Variants in CNTNAP2 observed in about 807,000 individuals in gnomAD.
CNTNAP2 encodes the protein contactin associated protein 2.
Under a neutral mutation model 155.2 loss-of-function variants are expected in CNTNAP2, and 98 were observed. That is an observed-to-expected ratio of 0.63 (90% CI 0.54 to 0.75). CNTNAP2 has a LOEUF of 0.75. Ranked by LOEUF, CNTNAP2 falls within the 30% of genes least tolerant of loss-of-function variation. CNTNAP2 has a pLI of 0.00. For missense variants in CNTNAP2, 1,727 were observed against 1,688.1 expected, an observed-to-expected ratio of 1.02 and a Z score of -0.40; for synonymous variants, 651 against 631.2, an observed-to-expected ratio of 1.03 and a Z score of -0.47.
intron 4 of CNTNAP2, among the ~76,000 whole-genome samples, chr7:147,067,836 G>A (rs534907848): frequency 6.6e-6 from 1 of 152,326 alleles, no homozygotes; most frequent in South Asian, 2.1e-4. Context: ...TTCGCATTCG[G>A]TTGTTCTCTT....
intron 14 of CNTNAP2, among the ~76,000 whole-genome samples, chr7:147,925,755 C>G (rs996349769): frequency 5.3e-5 from 8 of 152,190 alleles, no homozygotes; most frequent in African/African-American, 7.2e-5. Context: ...GCCACCACGC[C>G]CGGCCATTCT....
chr7:147,031,353 T>C (rs1049285394), intron 3 of CNTNAP2, among the ~76,000 whole-genome samples: 3 of 152,204 alleles, frequency 2.0e-5, no homozygotes, highest in African/African-American at 4.8e-5. Flanking sequence ...AATTCAAATA[T>C]GCATCCATTA....
intron 8 of CNTNAP2, among the ~76,000 whole-genome samples, chr7:147,269,311 A>C (rs958270733): frequency 6.6e-6 from 1 of 152,166 alleles, no homozygotes; most frequent in South Asian, 2.1e-4. Context: ...TCTAATTGCA[A>C]AAAACAAAGA....
At chr7:148,049,280 T>C (rs1287719669) in intron 15 of CNTNAP2, among the ~76,000 whole-genome samples, 1 of 152,220 alleles carries the variant, frequency 6.6e-6, no homozygotes, top group Non-Finnish European at 1.5e-5. Context: ...ATTACATTTT[T>C]CACCTTTTGA....
At chr7:146,684,333 T>C (rs558089538) in intron 1 of CNTNAP2, among the ~76,000 whole-genome samples, 1 of 152,230 alleles carries the variant, frequency 6.6e-6, no homozygotes, top group African/African-American at 2.4e-5. Context: ...TAAGTGAGAA[T>C]AAAACAAAAA....
intron 10 of CNTNAP2, among the ~76,000 whole-genome samples, chr7:147,463,980 AG>A (rs1388776921): frequency 6.7e-6 from 1 of 150,292 alleles, no homozygotes; most frequent in East Asian, 2.0e-4. Context: ...AAAAAAAAAA[AG>A]AGCTAGAGCC....
chr7:147,321,224 T>C (rs1271917062), intron 9 of CNTNAP2, among the ~76,000 whole-genome samples: 2 of 152,116 alleles, frequency 1.3e-5, no homozygotes, highest in Non-Finnish European at 2.9e-5. Flanking sequence ...CTTGAGGTCC[T>C]GAAAAAGAAT....
At chr7:147,625,661 G>T (rs981156072) in intron 12 of CNTNAP2, among the ~76,000 whole-genome samples, 8 of 152,292 alleles carry the variant, frequency 5.3e-5, no homozygotes, top group African/African-American at 1.7e-4. Flanking sequence ...CTAATGTGCA[G>T]TTCTCACCTG....
intron 13 of CNTNAP2, among the ~76,000 whole-genome samples, chr7:147,830,861 A>G (rs1798534989): frequency 6.6e-6 from 1 of 152,248 alleles, no homozygotes; most frequent in Admixed American, 6.5e-5. Flanking sequence ...ATGAGTAAGC[A>G]TGGTGAAAAC....
chr7:147,269,481 A>G (rs1052558467), intron 8 of CNTNAP2, among the ~76,000 whole-genome samples: 1 of 152,202 alleles, frequency 6.6e-6, no homozygotes, highest in Non-Finnish European at 1.5e-5. Context: ...TAGAATCATC[A>G]TCACATAAAT....
rs1802075217 is a variant in CNTNAP2, at chr7:147,163,982, T to G, written c.1348+31473T>G. Among the ~76,000 whole-genome samples the G allele has an allele frequency of 2.0e-5, 3 of 152,172 alleles. No homozygotes were observed. In the South Asian group the frequency reaches 6.2e-4, roughly 31 times the overall value. On this transcript the variant is annotated intron_variant, in intron 8 of 23. Transcript: ENST00000361727. ...AAATGAAAATCTGTTCTACCATAAA[T>G]CCCTCCACAACTAGAGAGATACATA...
chr7:147,395,467 T>C (rs1243086852), intron 9 of CNTNAP2, 142 bp from the exon 10 acceptor site: 1 of 819,530 alleles, frequency 1.2e-6, no homozygotes, highest in East Asian at 2.6e-5. Context: ...ACTTCCTTTT[T>C]CTACACTGAA....
chr7:146,763,822 A>C (rs1172158788), intron 1 of CNTNAP2, among the ~76,000 whole-genome samples: 1 of 152,172 alleles, frequency 6.6e-6, no homozygotes, highest in Non-Finnish European at 1.5e-5. Context: ...ATCATGCCAT[A>C]AACATTTGTC....
chr7:146,908,118 G>T (rs1463694545), intron 3 of CNTNAP2, among the ~76,000 whole-genome samples: 2 of 152,060 alleles, frequency 1.3e-5, no homozygotes, highest in African/African-American at 4.8e-5. Flanking sequence ...AAATATATAT[G>T]CACCCAATAC....
intron 1 of CNTNAP2, among the ~76,000 whole-genome samples, chr7:146,342,226 T>C (rs114577855): frequency 0.026 from 3,962 of 152,230 alleles, 83 homozygotes; most frequent in African/African-American, 0.055. Flanking sequence ...TTGAAAACCC[T>C]AGGTACCAAA....
chr7:146,947,595 A>ATATATG (rs1554414026), intron 3 of CNTNAP2, among the ~76,000 whole-genome samples: 8 of 140,662 alleles, frequency 5.7e-5, no homozygotes, highest in African/African-American at 2.1e-4. Flanking sequence ...ATATATATAT[A>ATATATG]TATGTATATA....
intron 1 of CNTNAP2, among the ~76,000 whole-genome samples, chr7:146,409,139 A>C (rs902173340): frequency 3.9e-5 from 6 of 152,190 alleles, no homozygotes; most frequent in African/African-American, 9.6e-5. Context: ...CTACTTGGGG[A>C]ATGTAAATAA....
intron 22 of CNTNAP2, chr7:148,389,878 AAAAG>A: frequency 6.6e-6 from 1 of 152,168 alleles, no homozygotes; most frequent in South Asian, 2.1e-4. Flanking sequence ...TTATTTTTTA[AAAAG>A]AAAAATCCCA....
intron 13 of CNTNAP2, among the ~76,000 whole-genome samples, chr7:147,687,065 T>C (rs1030292047): frequency 2.0e-5 from 3 of 152,102 alleles, no homozygotes; most frequent in Non-Finnish European, 2.9e-5. Context: ...GCAATGGATA[T>C]TCTGATTAAC....
Sources: allele counts gnomAD v4.1 joint callset (sites outside exome capture counted in the v4.1 genomes callset), GRCh38; gene constraint gnomAD v4.1.1; transcripts MANE v1.5; gene names NCBI Gene and HGNC (gene_info 2026-07-23, HGNC 2026-07-21).